Variants in ATR observed in about 807,000 individuals in gnomAD.
ATR encodes ATR checkpoint kinase.
A neutral mutation model predicts 305.3 loss-of-function variants in ATR; 142 were observed. The observed-to-expected ratio is 0.47, with a 90% CI of 0.41 to 0.53. ATR has a LOEUF of 0.53. ATR is among the 20% of genes least tolerant of loss of function. The pLI is 0.00. For synonymous variants in ATR, 1,050 were observed against 1,068.1 expected (o/e 0.98, Z 0.33); for missense variants, 2,135 against 3,133.1 (o/e 0.68, Z 7.60).
chr3:142,473,440 T>G (rs2071345742), intron 36 of ATR, among the ~76,000 whole-genome samples: 1 of 152,198 alleles, frequency 6.6e-6, no homozygotes, highest in Non-Finnish European at 1.5e-5. Flanking sequence ...GGGTCTCTGT[T>G]CCACTGGTCT....
chr3:142,559,075 T>C, intron 7 of ATR, 176 bp downstream of exon 7: 1 of 691,872 alleles, frequency 1.4e-6, no homozygotes. Context: ...CAAAATATTA[T>C]GCACATAAAT....
intron 1 of ATR, among the ~76,000 whole-genome samples, chr3:142,571,463 C>G (rs2035254996): frequency 9.8e-6 from 1 of 102,016 alleles, no homozygotes; most frequent in Admixed American, 1.4e-4. Context: ...GAGACTCAGT[C>G]TCAATAAATA....
chr3:142,560,733 T>C (rs910698345), intron 5 of ATR, among the ~76,000 whole-genome samples: 1 of 152,106 alleles, frequency 6.6e-6, no homozygotes, highest in Non-Finnish European at 1.5e-5. Context: ...GCTAATTTTT[T>C]GTATTTTTAG....
rs867241016 is a variant in ATR, at chr3:142,533,849, T to C, written c.3945+1231A>G. On this transcript the variant is annotated intron_variant, in intron 21 of 46. Coordinates refer to ENST00000350721, the MANE Select transcript of ATR (RefSeq NM_001184.4). ...AATCTATTAGCATTGGGGCTTTACA[T>C]TGAAGGAATCCTGTAAGGAAGTTGC... Among the ~76,000 whole-genome samples the C allele has an allele frequency of 5.1e-4, 77 of 152,318 alleles. 3 individuals are homozygous for C. In the Middle Eastern group the frequency reaches 0.01, roughly 20 times the overall value.
Position 142,493,119 on chromosome 3 carries a change from T to C in ATR, c.6078+13A>G, listed in dbSNP as rs1487007082. The C allele has an allele frequency of 1.2e-6, 2 of 1,612,448 alleles. No homozygotes were observed. Among genetic ancestry groups the C allele is most frequent in the African/African-American group, 2.7e-5 (2 of 74,910 alleles). ...AACAGAGTTAACTGAAACTGCATTATACATATACTTGCCTTATATTTTTTC... is the reference window on the plus strand; with the variant it reads ...AACAGAGTTAACTGAAACTGCATTACACATATACTTGCCTTATATTTTTTC... On this transcript the variant is annotated intron_variant, in intron 35 of 46. Coordinates refer to ENST00000350721, the MANE Select transcript of ATR (RefSeq NM_001184.4).
chr3:142,476,084 A>G (rs905984190), intron 36 of ATR, among the ~76,000 whole-genome samples: 2 of 152,070 alleles, frequency 1.3e-5, no homozygotes, highest in South Asian at 2.1e-4. Flanking sequence ...GCTGTGCAGA[A>G]GCTCTTTAGT....
At chr3:142,477,078 C>T (rs1265149143) in intron 36 of ATR, among the ~76,000 whole-genome samples, 5 of 152,128 alleles carry the variant, frequency 3.3e-5, no homozygotes, top group Admixed American at 1.3e-4. Flanking sequence ...TAGTTGAATG[C>T]CCTTTATTTC....
intron 1 of ATR, among the ~76,000 whole-genome samples, chr3:142,572,372 CTTTTTTTTTTTTTTT>C (rs11318957): frequency 1.8e-5 from 1 of 56,802 alleles, no homozygotes; most frequent in African/African-American, 6.7e-5. Context: ...CCCGGCCTGA[CTTTTTTTTTTTTTTT>C]TTTTTTTTTT....
intron 34 of ATR, among the ~76,000 whole-genome samples, chr3:142,495,320 T>C (rs2031519652): frequency 6.6e-6 from 1 of 152,206 alleles, no homozygotes; most frequent in Non-Finnish European, 1.5e-5. Flanking sequence ...CACAAGTTGG[T>C]GTAACCACAA....
At chr3:142,528,534 C>T (rs1357702678) in intron 21 of ATR, among the ~76,000 whole-genome samples, 1 of 152,028 alleles carries the variant, frequency 6.6e-6, no homozygotes, top group African/African-American at 2.4e-5. Context: ...ATACTTTCCA[C>T]TTATCTGGAT....
At chr3:142,573,698 A>C (rs2035349009) in intron 1 of ATR, among the ~76,000 whole-genome samples, 1 of 152,204 alleles carries the variant, frequency 6.6e-6, no homozygotes, top group Non-Finnish European at 1.5e-5. Flanking sequence ...AATATATCTG[A>C]AATATTAGGT....
At chr3:142,518,848 T>C (rs957311369) in intron 24 of ATR, among the ~76,000 whole-genome samples, 1 of 152,212 alleles carries the variant, frequency 6.6e-6, no homozygotes, top group Non-Finnish European at 1.5e-5. Flanking sequence ...AAATGCTTCA[T>C]GTATTTGCAT....
chr3:142,557,141 A>G (rs1360343017), intron 8 of ATR, among the ~76,000 whole-genome samples: 2 of 152,112 alleles, frequency 1.3e-5, no homozygotes, highest in African/African-American at 4.8e-5. Context: ...TGGGTGGAGC[A>G]TAAGATTCCC....
intron 1 of ATR, among the ~76,000 whole-genome samples, chr3:142,574,471 A>G (rs2035374453): frequency 1.3e-5 from 2 of 151,814 alleles, no homozygotes; most frequent in Non-Finnish European, 2.9e-5. Context: ...AAAAAAAAAA[A>G]AAAAAAGAAA....
intron 7 of ATR, 154 bp from the exon 8 acceptor site, chr3:142,558,930 T>A: frequency 1.3e-6 from 1 of 768,750 alleles, no homozygotes; most frequent in Non-Finnish European, 2.0e-6. Flanking sequence ...CTGAGGTCTG[T>A]GAACCCAAAG....
At chr3:142,577,758 C>G (rs1360468684) in intron 1 of ATR, among the ~76,000 whole-genome samples, 1 of 152,164 alleles carries the variant, frequency 6.6e-6, no homozygotes, top group Non-Finnish European at 1.5e-5. Context: ...ACTGCGGTAG[C>G]AGCACAAGCT....
At chr3:142,479,556 A>G (rs2030252430) in intron 36 of ATR, among the ~76,000 whole-genome samples, 1 of 152,026 alleles carries the variant, frequency 6.6e-6, no homozygotes, top group South Asian at 2.1e-4. Context: ...GAATCTGACA[A>G]TTATGTGTCT....
intron 7 of ATR, chr3:142,558,999 G>A (rs868169035): frequency 3.2e-6 from 2 of 615,772 alleles, no homozygotes; most frequent in Non-Finnish European, 5.4e-6. Flanking sequence ...GAAGAATCAC[G>A]GCATTCCTCA....
chr3:142,512,581 A>C, intron 26 of ATR, 111 bp from the exon 27 acceptor site: 1 of 908,378 alleles, frequency 1.1e-6, no homozygotes, highest in Non-Finnish European at 1.6e-6. Flanking sequence ...GAAAAAACAC[A>C]ATTGGCCAGG....
Sources: gnomAD v4.1 joint callset for allele counts (sites outside exome capture counted in the v4.1 genomes callset) on GRCh38, gnomAD v4.1.1 for gene constraint, MANE v1.5 for transcripts, NCBI Gene and HGNC (gene_info 2026-07-23, HGNC 2026-07-21) for gene names.